Variants in DGKE observed in about 807,000 individuals in gnomAD.
The protein encoded by DGKE is diacylglycerol kinase epsilon.
Under a neutral mutation model 70.0 loss-of-function variants are expected in DGKE, and 53 were observed. The observed-to-expected ratio is 0.76, with a 90% CI of 0.61 to 0.95. The LOEUF (loss-of-function observed/expected upper bound fraction) is 0.95, where lower values mean the gene tolerates loss of function less well. DGKE is among the 40% of genes least tolerant of loss of function. The pLI is 0.00. For missense variants in DGKE, 655 were observed against 706.9 expected (o/e 0.93, Z 0.83); for synonymous variants, 291 against 257.0 (o/e 1.13, Z -1.27).
intron 9 of DGKE, among the ~76,000 whole-genome samples, chr17:56,861,302 C>T (rs1038112709): frequency 1.3e-5 from 2 of 152,090 alleles, no homozygotes; most frequent in African/African-American, 4.8e-5. Flanking sequence ...CTGGTAAGTA[C>T]ATTGGGGAAC....
Position 56,868,501 on chromosome 17 carries a change from T to TG in DGKE, c.*5711dup, listed in dbSNP as rs1196324181. On this transcript the variant is annotated 3_prime_UTR_variant, in exon 12 of 12. Transcript: ENST00000284061. ...CCACTTGCTCAGCCAGCTGGCCTCT[T>TG]GCACTTTCCCCTGCCCACCACTTGT... The TG allele has an allele frequency of 3.3e-5, 5 of 152,298 alleles. No individual in the cohort carries two copies. Among genetic ancestry groups the TG allele is most frequent in the African/African-American group, 9.6e-5 (4 of 41,468 alleles). 9.4% of individuals were successfully genotyped at this position (152,298 alleles called of 1,614,324 possible).
chr17:56,856,734 AT>A, intron 8 of DGKE, 109 bp downstream of exon 8: 1 of 1,331,108 alleles, frequency 7.5e-7, no homozygotes, highest in Non-Finnish European at 1.0e-6. Flanking sequence ...ACTTACAGAA[AT>A]ATTTACCTGC....
At chr17:56,854,713 G>C (rs1881736569) in intron 7 of DGKE, among the ~76,000 whole-genome samples, 1 of 152,078 alleles carries the variant, frequency 6.6e-6, no homozygotes, top group African/African-American at 2.4e-5. Flanking sequence ...ATTCATACCA[G>C]GATGTATTAC....
rs374898326 is a variant in DGKE at position 56,848,785 on chromosome 17, T to C, written c.978T>C (p.Tyr326=). 4.5e-5 allele frequency: 72 copies of C among 1,614,094 alleles called. No individual in the cohort carries two copies. The highest frequency in any genetic ancestry group is 5.9e-5 in the Non-Finnish European group (70 of 1,180,036). ...LSNTLGWGTG[Y]AGEIPVAQVL... ...ATACATTGGGTTGGGGTACAGGTTA[T>C]GCTGGAGAAATTCCAGTTGCGCAGG... Residue 326 remains tyrosine, a synonymous_variant, in exon 6 of 12, where the codon TAT becomes TAC. Coordinates refer to ENST00000284061, the MANE Select transcript of DGKE (RefSeq NM_003647.3).
At position 56,868,531 on chromosome 17, in the gene DGKE, A is replaced by T. The variant is rs1054587123; in HGVS notation, c.*5740A>T. On this transcript the variant is annotated 3_prime_UTR_variant, in exon 12 of 12. Transcript: ENST00000284061. The stretch of plus-strand genomic sequence containing the variant: ...TTTCCCCTGCCCACCACTTGTAACT[A>T]CCACTTAATTATCTTGTGTTAATTG... The T allele has an allele frequency of 3.3e-5, 5 of 152,170 alleles. No homozygotes were observed. The highest frequency in any genetic ancestry group is 1.2e-4 in the African/African-American group (5 of 41,422). 9.4% of individuals were successfully genotyped at this position (152,170 alleles called of 1,614,324 possible).
intron 7 of DGKE, among the ~76,000 whole-genome samples, chr17:56,851,917 A>C (rs962489778): frequency 1.3e-5 from 2 of 152,156 alleles, no homozygotes; most frequent in African/African-American, 4.8e-5. Flanking sequence ...ACAAAAAGCA[A>C]AGGAACTGGA....
At position 56,850,181 on chromosome 17, in the gene DGKE, G is replaced by T. The variant is rs141568729; in HGVS notation, c.1098+949G>T. Reference sequence around the variant, plus strand: ...CAGTCTATCACTCAAGCTGGAGTACGGTATTGTGATGACAGCTCACTGCAG... The same window carrying T: ...CAGTCTATCACTCAAGCTGGAGTACTGTATTGTGATGACAGCTCACTGCAG... On this transcript the variant is annotated intron_variant, in intron 7 of 11. Coordinates refer to ENST00000284061, the MANE Select transcript of DGKE (RefSeq NM_003647.3). Among the ~76,000 whole-genome samples the T allele has an allele frequency of 5.3e-5, 8 of 151,770 alleles. No individual in the cohort carries two copies. In the East Asian group the frequency reaches 1.2e-3, roughly 22 times the overall value.
rs1908595319 is a variant in DGKE at position 56,867,865 on chromosome 17, T to TAGTGCC, written c.*5076_*5081dup. ...AGGCGGAGCTTGCAGCGAGCCGAGA[T>TAGTGCC]AGTGCCACTGCAGTGGGGCCTGGGC... is the stretch of plus-strand genomic sequence containing the variant. On this transcript the variant is annotated 3_prime_UTR_variant, in exon 12 of 12. Transcript: ENST00000284061. The TAGTGCC allele has an allele frequency of 6.7e-6, 1 of 149,232 alleles. No homozygotes were observed. The highest frequency in any genetic ancestry group is 2.1e-4 in the South Asian group (1 of 4,740). The allele number at this position is 149,232 out of a possible 1,614,324, so 9.2% of individuals were successfully genotyped here. A position where few individuals can be genotyped will look rare whatever the true frequency, so the allele number is the denominator to read the frequency against.
rs1340500871 is a variant in DGKE at position 56,835,222 on chromosome 17, C to T, written c.427C>T (p.Gln143Ter). The change falls in exon 2 of 12, where the codon CAG becomes TAG. Residue 143 changes from glutamine to a stop codon, truncating the protein, a stop_gained. Coordinates refer to ENST00000284061, the MANE Select transcript of DGKE (RefSeq NM_003647.3). LOFTEE classifies it high-confidence loss of function. ...PLCSYCMVCKQQCGCQPKLCD... is the reference protein window; with the variant it reads ...PLCSYCMVCK ...GTGCAGTTACTGTATGGTTTGCAAG[C>T]AGCAGTGTGGCTGTCAACCCAAGCT... 2 of 1,613,418 alleles carry T rather than the reference C, an allele frequency of 1.2e-6. No homozygotes were observed. The highest frequency in any genetic ancestry group is 1.7e-6 in the Non-Finnish European group (2 of 1,179,896).
rs1400446108 is a variant in DGKE at position 56,836,545 on chromosome 17, G to A, written c.464+1286G>A. The A allele has an allele frequency of 2.0e-5, 3 of 152,156 alleles. No homozygotes were observed. In the East Asian group the frequency reaches 5.8e-4, roughly 29 times the overall value. The allele number at this position is 152,156 out of a possible 1,614,324, so 9.4% of individuals were successfully genotyped here. A position where few individuals can be genotyped will look rare whatever the true frequency, so the allele number is the denominator to read the frequency against. On this transcript the variant is annotated intron_variant, in intron 2 of 11. Transcript: ENST00000284061. ...GTCTGTGCAGAATTATATTAAAAAT[G>A]GTTTCCATAAATAACCGTATTTCAA...
intron 7 of DGKE, among the ~76,000 whole-genome samples, chr17:56,851,552 A>T (rs1470496695): frequency 6.6e-6 from 1 of 152,204 alleles, no homozygotes; most frequent in Non-Finnish European, 1.5e-5. Flanking sequence ...TGAAGCTTAT[A>T]CCCTAGCAAG....
At position 56,845,679 on chromosome 17, in the gene DGKE, AT is replaced by A. The variant is rs748333284; in HGVS notation, c.625-3del. 67 of 1,598,020 alleles carry A rather than the reference AT, an allele frequency of 4.2e-5. No individual in the cohort carries two copies. The highest frequency in any genetic ancestry group is 2.5e-4 in the Admixed American group (14 of 56,670). On this transcript the variant is annotated splice_polypyrimidine_tract_variant and intron_variant, in intron 3 of 11. Coordinates refer to ENST00000284061, the MANE Select transcript of DGKE (RefSeq NM_003647.3). ...ATACTAAACCTTTTCACTCATGGCA[AT>A]TTTTTTTAGCTAGCCTCTAAGCTTG... is the stretch of plus-strand genomic sequence containing the variant.
At chr17:56,841,596 G>A (rs1301902807) in intron 2 of DGKE, among the ~76,000 whole-genome samples, 1 of 152,076 alleles carries the variant, frequency 6.6e-6, no homozygotes, top group Non-Finnish European at 1.5e-5. Context: ...GTACTAATGA[G>A]CGGTATTAAT....
At chr17:56,856,993 G>A (rs538046188) in intron 8 of DGKE, among the ~76,000 whole-genome samples, 14 of 152,232 alleles carry the variant, frequency 9.2e-5, no homozygotes, top group African/African-American at 3.4e-4. Flanking sequence ...AGCCACTCGG[G>A]AGGCTGAGGT....
chr17:56,860,412 C>T (rs904369497), intron 9 of DGKE, among the ~76,000 whole-genome samples: 2 of 152,138 alleles, frequency 1.3e-5, no homozygotes, highest in African/African-American at 4.8e-5. Context: ...ACCTGTGGTC[C>T]TAGCTGCTCA....
chr17:56,835,298 C>G, intron 2 of DGKE, 39 bp downstream of exon 2: 1 of 1,561,110 alleles, frequency 6.4e-7, no homozygotes, highest in East Asian at 2.2e-5. Flanking sequence ...CAGAATGCGC[C>G]GTGGGAATCA....
At chr17:56,859,905 G>A (rs1908190503) in intron 9 of DGKE, among the ~76,000 whole-genome samples, 2 of 152,196 alleles carry the variant, frequency 1.3e-5, no homozygotes, top group African/African-American at 4.8e-5. Context: ...ATTAGTCAAG[G>A]AAAAATGTTG....
chr17:56,862,217 A>G lies in DGKE; in HGVS notation c.1490A>G (p.Asn497Ser). 1 of 1,614,196 alleles carries G rather than the reference A, an allele frequency of 6.2e-7. No homozygotes were observed. Among genetic ancestry groups the G allele is most frequent in the Non-Finnish European group, 8.5e-7 (1 of 1,180,024 alleles). The change falls in exon 11 of 12, where the codon AAT (asparagine) becomes AGT (serine). Residue 497 changes from asparagine (N) to serine (S), a missense_variant. Physicochemically the swap from Asn to Ser is conservative, Grantham distance 46. Transcript: ENST00000284061. ...HCAQIQVKLA[N>S]PFRIGQAHTV... The stretch of plus-strand genomic sequence containing the variant: ...GCTCAGATTCAAGTAAAACTGGCTA[A>G]TCCTTTTCGAATAGGACAGGCACAT...
At chr17:56,855,369 G>A (rs1193600480) in intron 7 of DGKE, among the ~76,000 whole-genome samples, 2 of 150,632 alleles carry the variant, frequency 1.3e-5, no homozygotes, top group South Asian at 2.1e-4. Flanking sequence ...GTGCACTTGA[G>A]TAAAGTCAGA....
Sources: allele counts gnomAD v4.1 joint callset (sites outside exome capture counted in the v4.1 genomes callset), GRCh38; gene constraint gnomAD v4.1.1; transcripts MANE v1.5; gene names NCBI Gene and HGNC (gene_info 2026-07-23, HGNC 2026-07-21).